The following LRMDA variants were observed in gnomAD, a reference collection of about 807,000 sequenced individuals.
LRMDA encodes leucine rich melanocyte differentiation associated.
Under a neutral mutation model 29.8 loss-of-function variants are expected in LRMDA, and 18 were observed. The observed-to-expected ratio is 0.60, with a 90% CI of 0.42 to 0.90. The LOEUF is 0.90. Ranked by LOEUF, LRMDA falls within the 40% of genes least tolerant of loss-of-function variation. The pLI, the probability that LRMDA is intolerant of heterozygous loss-of-function variation, is 0.00. For missense variants in LRMDA, 273 were observed against 273.9 expected (o/e 1.00, Z 0.02); for synonymous variants, 125 against 109.4 (o/e 1.14, Z -0.89).
chr10:76,027,233 T>C (rs1848077386), intron 2 of LRMDA, among the ~76,000 whole-genome samples: 1 of 151,954 alleles, frequency 6.6e-6, no homozygotes, highest in Non-Finnish European at 1.5e-5. Context: ...GCCAGGAGAG[T>C]AGTAGAGTGG....
At chr10:76,337,743 C>G (rs145257970) in intron 6 of LRMDA, among the ~76,000 whole-genome samples, 1 of 151,760 alleles carries the variant, frequency 6.6e-6, no homozygotes, top group African/African-American at 2.4e-5. Flanking sequence ...CTAGATTGCA[C>G]GTGGTTCAGG....
chr10:75,934,003 A>G (rs534531642), intron 2 of LRMDA, among the ~76,000 whole-genome samples: 7 of 152,164 alleles, frequency 4.6e-5, no homozygotes, highest in Non-Finnish European at 1.0e-4. Flanking sequence ...GGTTCCTAGT[A>G]GCAGTTAGTG....
intron 6 of LRMDA, among the ~76,000 whole-genome samples, chr10:76,341,147 T>C (rs893688826): frequency 3.3e-5 from 5 of 152,046 alleles, no homozygotes; most frequent in Admixed American, 1.3e-4. Context: ...GTTGTAGTCG[T>C]TATAGTGTTT....
At chr10:75,478,946 G>T (rs1375046894) in intron 2 of LRMDA, among the ~76,000 whole-genome samples, 10 of 152,132 alleles carry the variant, frequency 6.6e-5, no homozygotes, top group Admixed American at 6.5e-4. Context: ...CTGGGAACTT[G>T]TATGTAGTTA....
At chr10:76,404,906 T>C (rs934312936) in intron 6 of LRMDA, among the ~76,000 whole-genome samples, 2 of 151,850 alleles carry the variant, frequency 1.3e-5, no homozygotes, top group Non-Finnish European at 2.9e-5. Context: ...ACAACAGAAA[T>C]AGAAGTTGGA....
chr10:75,952,599 A>G (rs889481063), intron 2 of LRMDA, among the ~76,000 whole-genome samples: 1 of 152,206 alleles, frequency 6.6e-6, no homozygotes. Context: ...CACTAAGGGT[A>G]TCATGGCAGA....
chr10:75,924,658 G>A (rs975194428), intron 2 of LRMDA, among the ~76,000 whole-genome samples: 2 of 152,098 alleles, frequency 1.3e-5, no homozygotes, highest in African/African-American at 4.8e-5. Flanking sequence ...ACCCTGAAAA[G>A]CAAAGGAATC....
chr10:75,811,985 C>T (rs751781110), intron 2 of LRMDA, among the ~76,000 whole-genome samples: 10 of 152,052 alleles, frequency 6.6e-5, no homozygotes, highest in Non-Finnish European at 1.2e-4. Context: ...TGATGCCCAC[C>T]CTGGATTTTC....
At chr10:76,352,540 G>A (rs1841190395) in intron 6 of LRMDA, among the ~76,000 whole-genome samples, 1 of 151,998 alleles carries the variant, frequency 6.6e-6, no homozygotes, top group Non-Finnish European at 1.5e-5. Flanking sequence ...GAACAGGATG[G>A]TGTGAGATTT....
intron 2 of LRMDA, among the ~76,000 whole-genome samples, chr10:75,725,857 G>A (rs894403164): frequency 6.6e-6 from 1 of 152,098 alleles, no homozygotes; most frequent in Admixed American, 6.5e-5. Context: ...TTTTATTTCA[G>A]CAAAACTTAG....
At position 75,790,829 on chromosome 10, in the gene LRMDA, G is replaced by T. The variant is rs193271685; in HGVS notation, c.132-245179G>T. On this transcript the variant is annotated intron_variant, in intron 2 of 6. Transcript: ENST00000611255. Reference sequence around the variant, plus strand: ...CTGAGAAAACTCAAACCAGGTCCAAGAGGAGTTACTTTGAGACAAGCTATC... The same window carrying T: ...CTGAGAAAACTCAAACCAGGTCCAATAGGAGTTACTTTGAGACAAGCTATC... 2.4e-3 allele frequency among the ~76,000 whole-genome samples: 361 copies of T among 152,332 alleles called. 4 individuals are homozygous for T. The highest frequency in any genetic ancestry group is 8.0e-3 in the African/African-American group (332 of 41,572).
At chr10:75,855,456 G>C (rs1391817003) in intron 2 of LRMDA, among the ~76,000 whole-genome samples, 6 of 152,260 alleles carry the variant, frequency 3.9e-5, no homozygotes, top group Admixed American at 2.6e-4. Flanking sequence ...TGTAGATCCT[G>C]GGTATTAGCC....
intron 2 of LRMDA, among the ~76,000 whole-genome samples, chr10:75,533,114 A>G (rs1052529554): frequency 2.6e-5 from 4 of 152,218 alleles, no homozygotes; most frequent in African/African-American, 9.6e-5. Flanking sequence ...AGCATATCCT[A>G]GTTAGTGAGA....
At chr10:76,331,477 A>AC (rs1231486241) in intron 6 of LRMDA, among the ~76,000 whole-genome samples, 2 of 152,244 alleles carry the variant, frequency 1.3e-5, no homozygotes, top group African/African-American at 2.4e-5. Flanking sequence ...TGACTCATTG[A>AC]AAGTTCATAG....
intron 2 of LRMDA, among the ~76,000 whole-genome samples, chr10:75,676,895 C>G (rs1841966435): frequency 6.6e-6 from 1 of 152,094 alleles, no homozygotes; most frequent in African/African-American, 2.4e-5. Flanking sequence ...GCACTTGTGT[C>G]TATTATTCCA....
chr10:76,245,545 A>G (rs956984000), intron 5 of LRMDA, among the ~76,000 whole-genome samples: 1 of 152,264 alleles, frequency 6.6e-6, no homozygotes, highest in African/African-American at 2.4e-5. Context: ...TTAAATGCCT[A>G]TGATGAGCTC....
chr10:76,301,059 T>G (rs1840474138), intron 5 of LRMDA, among the ~76,000 whole-genome samples: 1 of 151,992 alleles, frequency 6.6e-6, no homozygotes, highest in African/African-American at 2.4e-5. Flanking sequence ...ATGCTATTTG[T>G]TTTTTTTCCT....
At chr10:75,556,041 C>T (rs777095338) in intron 2 of LRMDA, among the ~76,000 whole-genome samples, 27 of 152,014 alleles carry the variant, frequency 1.8e-4, no homozygotes, top group Admixed American at 1.6e-3. Context: ...ATGCAGGGAT[C>T]AGTGGGACAA....
At chr10:75,690,607 G>C (rs1842132950) in intron 2 of LRMDA, among the ~76,000 whole-genome samples, 1 of 152,042 alleles carries the variant, frequency 6.6e-6, no homozygotes, top group East Asian at 1.9e-4. Flanking sequence ...GAGCCACTGT[G>C]CCCAGCACAG....
Sources: allele counts gnomAD v4.1 joint callset (sites outside exome capture counted in the v4.1 genomes callset), GRCh38; gene constraint gnomAD v4.1.1; transcripts MANE v1.5; gene names NCBI Gene and HGNC (gene_info 2026-07-23, HGNC 2026-07-21).